Variants in ATP8A2 observed in about 807,000 individuals in gnomAD.
The protein encoded by ATP8A2 is phospholipid-transporting ATPase IB.
Under a neutral mutation model 165.6 loss-of-function variants are expected in ATP8A2, and 100 were observed. The ratio of observed to expected loss-of-function variants is 0.60; its 90% CI spans 0.51 to 0.71. The LOEUF (loss-of-function observed/expected upper bound fraction) is 0.71. Among genes scored for constraint, ATP8A2 ranks in the 30% least tolerant of loss-of-function variants. The pLI, the probability that ATP8A2 is intolerant of heterozygous loss-of-function variation, is 0.00. For missense variants in ATP8A2, 1,227 were observed against 1,479.5 expected, an observed-to-expected ratio of 0.83 and a Z score of 2.80; for synonymous variants, 543 against 548.8, an observed-to-expected ratio of 0.99 and a Z score of 0.15.
At position 25,769,144 on chromosome 13, in the gene ATP8A2, T is replaced by A; in HGVS notation, c.2483T>A (p.Met828Lys). Reference protein sequence around the residue: ...AIGDGANDVGMIQTAHVGVGI... With the variant: ...AIGDGANDVGKIQTAHVGVGI... ...GGAGACGGCGCCAACGATGTCGGGA[T>A]GATCCAGACAGCCCACGTGGGTGTG... The change falls in exon 26 of 37, where the codon ATG (methionine) becomes AAG (lysine). Residue 828 changes from methionine to lysine, a missense_variant. Met to Lys is a moderately conservative substitution (Grantham distance 95). This residue lies in a region of ATP8A2 where 592 missense variants were observed against 785.6 expected (regional missense o/e 0.75). Transcript: ENST00000381655. 2 of 1,614,166 alleles carry A rather than the reference T, an allele frequency of 1.2e-6. No homozygotes were observed. The highest frequency in any genetic ancestry group is 8.5e-7 in the Non-Finnish European group (1 of 1,180,022).
chr13:25,662,534 G>A (rs922416389), intron 24 of ATP8A2, among the ~76,000 whole-genome samples: 1 of 151,884 alleles, frequency 6.6e-6, no homozygotes, highest in Non-Finnish European at 1.5e-5. Flanking sequence ...GGATTATTTG[G>A]TATAATATTA....
chr13:25,531,444 AT>A (rs1286700076), intron 4 of ATP8A2, among the ~76,000 whole-genome samples: 3 of 45,730 alleles, frequency 6.6e-5, no homozygotes, highest in Admixed American at 1.9e-4. Context: ...TATATATATG[AT>A]TATATATATG....
chr13:25,551,996 T>C (rs2138059298), intron 11 of ATP8A2, among the ~76,000 whole-genome samples: 1 of 152,270 alleles, frequency 6.6e-6, no homozygotes, highest in Non-Finnish European at 1.5e-5. Flanking sequence ...TTTTTGTTGT[T>C]GTTGTTTTGA....
chr13:25,408,483 C>G (rs1002980075), intron 1 of ATP8A2, among the ~76,000 whole-genome samples: 1 of 151,982 alleles, frequency 6.6e-6, no homozygotes, highest in African/African-American at 2.4e-5. Context: ...AAGACTTGTA[C>G]GCAGTTCCCT....
At chr13:25,756,909 G>C (rs994109847) in intron 25 of ATP8A2, among the ~76,000 whole-genome samples, 1 of 152,208 alleles carries the variant, frequency 6.6e-6, no homozygotes, top group African/African-American at 2.4e-5. Context: ...GGAGGAAAAA[G>C]AGGACCAGGG....
chr13:25,744,925 TTTTTCTTTTC>T (rs376668495), intron 25 of ATP8A2, among the ~76,000 whole-genome samples: 22 of 151,654 alleles, frequency 1.5e-4, no homozygotes, highest in African/African-American at 3.9e-4. Context: ...AGGGGCCCAG[TTTTTCTTTTC>T]TTTTCTTTTC....
intron 2 of ATP8A2, among the ~76,000 whole-genome samples, chr13:25,498,364 C>T (rs942061335): frequency 6.6e-6 from 1 of 152,208 alleles, no homozygotes; most frequent in African/African-American, 2.4e-5. Flanking sequence ...TCAGTAAGCT[C>T]TGCCTTATAA....
rs114942044 is a variant in ATP8A2 at position 25,998,747 on chromosome 13, G to A, written c.3378-13784G>A. 2.8e-3 allele frequency among the ~76,000 whole-genome samples: 431 copies of A among 152,228 alleles called. 3 individuals carry two copies. Among genetic ancestry groups the A allele is most frequent in the African/African-American group, 0.01 (422 of 41,534 alleles). ...GGAATCTGTTGTTTATTTTTGGAACGGAATTTGTATTAGGGTTAGTTAACC... is the reference window on the plus strand; with the variant it reads ...GGAATCTGTTGTTTATTTTTGGAACAGAATTTGTATTAGGGTTAGTTAACC... On this transcript the variant is annotated intron_variant, in intron 35 of 36. Coordinates refer to ENST00000381655, the MANE Select transcript of ATP8A2 (RefSeq NM_016529.6).
chr13:25,656,815 G>A (rs1487220011), intron 24 of ATP8A2, among the ~76,000 whole-genome samples: 8 of 151,202 alleles, frequency 5.3e-5, no homozygotes, highest in Non-Finnish European at 7.4e-5. Flanking sequence ...CATTTTGGGA[G>A]TCCGAGGTGG....
intron 1 of ATP8A2, among the ~76,000 whole-genome samples, chr13:25,456,231 G>C: frequency 6.6e-6 from 1 of 152,172 alleles, no homozygotes; most frequent in Non-Finnish European, 1.5e-5. Flanking sequence ...TCCCCAGCTG[G>C]AAGTACTCGT....
chr13:25,593,890 T>C (rs529709021), intron 24 of ATP8A2, among the ~76,000 whole-genome samples: 58 of 152,366 alleles, frequency 3.8e-4, no homozygotes, highest in Non-Finnish European at 6.9e-4. Context: ...GAATTGAGGA[T>C]AACAACATTG....
At chr13:25,615,184 C>T (rs2040791083) in intron 24 of ATP8A2, among the ~76,000 whole-genome samples, 1 of 152,118 alleles carries the variant, frequency 6.6e-6, no homozygotes, top group Non-Finnish European at 1.5e-5. Context: ...TGTCTGAGCT[C>T]AGACTGTCCT....
At chr13:25,842,488 A>C (rs1447326591) in intron 30 of ATP8A2, among the ~76,000 whole-genome samples, 1 of 152,126 alleles carries the variant, frequency 6.6e-6, no homozygotes, top group Non-Finnish European at 1.5e-5. Context: ...CCTGGCCAAC[A>C]TGGTAAAACC....
At chr13:25,463,979 C>G (rs539532301) in intron 1 of ATP8A2, among the ~76,000 whole-genome samples, 7 of 152,298 alleles carry the variant, frequency 4.6e-5, no homozygotes, top group Non-Finnish European at 8.8e-5. Context: ...GATTTCCTAA[C>G]ATTCTGTTCT....
intron 33 of ATP8A2, among the ~76,000 whole-genome samples, chr13:25,949,828 C>A (rs1158504295): frequency 2.0e-5 from 3 of 152,144 alleles, no homozygotes; most frequent in Non-Finnish European, 4.4e-5. Context: ...GAGACAGGGT[C>A]TCGCTCTGTC....
chr13:25,723,970 C>T (rs185020817), intron 25 of ATP8A2, among the ~76,000 whole-genome samples: 193 of 152,246 alleles, frequency 1.3e-3, no homozygotes, highest in Non-Finnish European at 2.3e-3. Flanking sequence ...GAGGAGAATG[C>T]GTGGCCAGGA....
At chr13:25,625,645 G>A (rs1211529750) in intron 24 of ATP8A2, among the ~76,000 whole-genome samples, 1 of 152,182 alleles carries the variant, frequency 6.6e-6, no homozygotes, top group Non-Finnish European at 1.5e-5. Flanking sequence ...TTCTCAAGAC[G>A]AAAGATTTTG....
intron 35 of ATP8A2, among the ~76,000 whole-genome samples, chr13:25,969,471 G>A (rs2139211642): frequency 6.6e-6 from 1 of 152,256 alleles, no homozygotes; most frequent in East Asian, 1.9e-4. Context: ...TGCTTAGAAG[G>A]AAATCAGTAA....
chr13:25,704,019 T>C (rs773488296), intron 25 of ATP8A2, among the ~76,000 whole-genome samples: 3 of 152,150 alleles, frequency 2.0e-5, no homozygotes, highest in Non-Finnish European at 4.4e-5. Context: ...AAAACTGATA[T>C]GTTTGAATGA....
Sources: allele counts gnomAD v4.1 joint callset (sites outside exome capture counted in the v4.1 genomes callset), GRCh38; gene constraint gnomAD v4.1.1; regional missense constraint gnomAD v4.1.1; transcripts MANE v1.5; gene names NCBI Gene and HGNC (gene_info 2026-07-23, HGNC 2026-07-21).